RHEB: variants seen among roughly 807,000 people sequenced by gnomAD.
RHEB encodes the protein Ras homolog, mTORC1 binding.
RHEB carries 2 observed loss-of-function variants against 28.8 expected under a neutral mutation model. That is an observed-to-expected ratio of 0.07 (90% CI 0.03 to 0.22). The LOEUF (loss-of-function observed/expected upper bound fraction) is 0.22. Ranked by LOEUF, RHEB falls within the 10% of genes least tolerant of loss-of-function variation. The pLI, the probability that RHEB is intolerant of heterozygous loss-of-function variation, is 1.00. For missense variants in RHEB, 76 were observed against 219.9 expected, an observed-to-expected ratio of 0.35 and a Z score of 4.14; for synonymous variants, 69 against 77.3, an observed-to-expected ratio of 0.89 and a Z score of 0.56.
At chr7:151,469,596 A>C (rs1464168306) in intron 7 of RHEB, among the ~76,000 whole-genome samples, 10 of 152,210 alleles carry the variant, frequency 6.6e-5, no homozygotes, top group Non-Finnish European at 1.2e-4. Flanking sequence ...CTGAGGATCA[A>C]ACACCACCAC....
intron 3 of RHEB, among the ~76,000 whole-genome samples, chr7:151,484,050 T>A (rs759919089): frequency 3.4e-4 from 52 of 152,076 alleles, no homozygotes; most frequent in Non-Finnish European, 6.2e-4. Context: ...TAGTAATCAC[T>A]CTCAAATCCA....
chr7:151,482,349 A>G (rs1157557327), intron 3 of RHEB, among the ~76,000 whole-genome samples: 3 of 152,148 alleles, frequency 2.0e-5, no homozygotes, highest in Non-Finnish European at 4.4e-5. Flanking sequence ...GGCTCAAGTG[A>G]TCCTTCCACC....
Position 151,472,662 on chromosome 7 carries a change from T to C in RHEB, c.276-1057A>G, listed in dbSNP as rs1261837859. 6.6e-6 allele frequency among the ~76,000 whole-genome samples: 1 copy of C among 152,196 alleles called. No homozygotes were observed. The highest frequency in any genetic ancestry group is 1.5e-5 in the Non-Finnish European group (1 of 68,038). On this transcript the variant is annotated intron_variant, in intron 4 of 7. Coordinates refer to ENST00000262187, the MANE Select transcript of RHEB (RefSeq NM_005614.4). The surrounding 1 kb of genome is among the most constrained non-coding windows in gnomAD (Gnocchi z 5.2). ...ATGGTCACAGACATCCTATCTCGCA[T>C]GTGTGTCGTTTTACTGTTTGTCTCC...
At chr7:151,474,186 G>GT (rs5888440) in intron 4 of RHEB, among the ~76,000 whole-genome samples, 198 of 148,938 alleles carry the variant, frequency 1.3e-3, no homozygotes, top group Admixed American at 1.8e-3. Flanking sequence ...TTGTTTTTTT[G>GT]TTTTTTTTTT....
chr7:151,489,472 A>C (rs1004494566), intron 2 of RHEB, among the ~76,000 whole-genome samples: 2 of 152,224 alleles, frequency 1.3e-5, no homozygotes, highest in Admixed American at 1.3e-4. Context: ...ACTTTCAAAA[A>C]TATTCCTGGA....
At chr7:151,511,584 T>TA (rs1427925483) in intron 1 of RHEB, among the ~76,000 whole-genome samples, 1 of 151,924 alleles carries the variant, frequency 6.6e-6, no homozygotes, top group Non-Finnish European at 1.5e-5. Flanking sequence ...TTTTTTTTTT[T>TA]AATAACCAGA....
intron 1 of RHEB, among the ~76,000 whole-genome samples, chr7:151,500,539 G>A (rs1407321158): frequency 6.6e-6 from 1 of 152,138 alleles, no homozygotes; most frequent in Admixed American, 6.5e-5. Flanking sequence ...ACAACTGGAT[G>A]TCAATATCAG....
Position 151,475,625 on chromosome 7 carries a change from A to G in RHEB, c.275+1708T>C, listed in dbSNP as rs189210764. On this transcript the variant is annotated intron_variant, in intron 4 of 7. Coordinates refer to ENST00000262187, the MANE Select transcript of RHEB (RefSeq NM_005614.4). ...TAGTTTTACTATTTAAAGTGCTCTT[A>G]TAAGTCAGTAAGAAAATGATCATGT... is the stretch of plus-strand genomic sequence containing the variant. Among the ~76,000 whole-genome samples the G allele has an allele frequency of 5.1e-4, 78 of 152,350 alleles. 1 individual carries two copies. In the East Asian group the frequency reaches 0.014, roughly 28 times the overall value.
chr7:151,470,047 G>A (rs1802133332), intron 7 of RHEB, among the ~76,000 whole-genome samples: 1 of 152,202 alleles, frequency 6.6e-6, no homozygotes, highest in African/African-American at 2.4e-5. Flanking sequence ...AGCCTCCGGA[G>A]GCAGAATCTA....
chr7:151,470,256 T>C (rs539167522), intron 7 of RHEB: 1 of 176,362 alleles, frequency 5.7e-6, no homozygotes, highest in South Asian at 1.8e-4. Context: ...TTTTTTCCCC[T>C]GTATGGACTT....
chr7:151,512,507 C>T (rs923034738), intron 1 of RHEB, among the ~76,000 whole-genome samples: 14 of 152,190 alleles, frequency 9.2e-5, no homozygotes, highest in Non-Finnish European at 4.4e-5. Flanking sequence ...AAAAATGCAA[C>T]ACAATCAGAG....
chr7:151,508,802 T>C (rs55719726), intron 1 of RHEB, among the ~76,000 whole-genome samples: 2,166 of 152,112 alleles, frequency 0.014, 41 homozygotes, highest in African/African-American at 0.048. Context: ...ATTGTTTCCA[T>C]TGGGCAAGGC....
chr7:151,506,379 G>C (rs1802880220), intron 1 of RHEB, among the ~76,000 whole-genome samples: 1 of 152,028 alleles, frequency 6.6e-6, no homozygotes. Context: ...AACAGTATGA[G>C]ATGGTGGTTA....
At position 151,519,443 on chromosome 7, in the gene RHEB, G is replaced by T; in HGVS notation, c.52+17C>A. ...CCCCGGCGGCGCGAGGAGGCCGCGC[G>T]GCCACCGGCCACTCACCCACAGACC... On this transcript the variant is annotated intron_variant, in intron 1 of 7. Transcript: ENST00000262187. 1 of 1,419,060 alleles carries T rather than the reference G, an allele frequency of 7.0e-7. No individual in the cohort carries two copies. Among genetic ancestry groups the T allele is most frequent in the Non-Finnish European group, 9.3e-7 (1 of 1,076,950 alleles). 87.9% of individuals were successfully genotyped at this position (1,419,060 alleles called of 1,614,324 possible). A position where few individuals can be genotyped will look rare whatever the true frequency, so the allele number is the denominator to read the frequency against.
chr7:151,509,154 G>C (rs1373898410), intron 1 of RHEB, among the ~76,000 whole-genome samples: 1 of 152,100 alleles, frequency 6.6e-6, no homozygotes, highest in Non-Finnish European at 1.5e-5. Flanking sequence ...GAGCGTGTGG[G>C]GCCACCCGGG....
At chr7:151,475,027 C>A (rs1282454785) in intron 4 of RHEB, among the ~76,000 whole-genome samples, 2 of 152,172 alleles carry the variant, frequency 1.3e-5, no homozygotes, top group African/African-American at 4.8e-5. Context: ...AGAAAACACA[C>A]CCATTTTAGT....
chr7:151,492,570 T>C (rs1303618423), intron 1 of RHEB, among the ~76,000 whole-genome samples: 1 of 149,380 alleles, frequency 6.7e-6, no homozygotes, highest in East Asian at 2.0e-4. Flanking sequence ...TGAGCTGAGA[T>C]GGCGCCACTG....
At position 151,466,914 on chromosome 7, in the gene RHEB, T is replaced by C; in HGVS notation, c.*205A>G. The C allele has an allele frequency of 2.1e-6, 1 of 467,330 alleles. No homozygotes were observed. 28.9% of individuals were successfully genotyped at this position (467,330 alleles called of 1,614,324 possible). On this transcript the variant is annotated 3_prime_UTR_variant, in exon 8 of 8. Transcript: ENST00000262187. ...AAATACAATATATAAATTGAAAATA[T>C]GATTGCTTAAAATTTGAAAATGGAA...
chr7:151,516,068 G>A (rs1055041316), intron 1 of RHEB, among the ~76,000 whole-genome samples: 5 of 152,044 alleles, frequency 3.3e-5, no homozygotes, highest in Admixed American at 2.0e-4. Context: ...TTCCTATCGC[G>A]GGACTACTCC....
Sources: gnomAD v4.1 joint callset for allele counts (sites outside exome capture counted in the v4.1 genomes callset) on GRCh38, gnomAD v4.1.1 for gene constraint, Gnocchi (gnomAD v3.1) non-coding constraint, MANE v1.5 for transcripts, NCBI Gene and HGNC (gene_info 2026-07-23, HGNC 2026-07-21) for gene names.